Variants in GSE1 observed in about 807,000 individuals in gnomAD.
GSE1 encodes Gse1 coiled-coil protein.
In GSE1, 32 loss-of-function variants were observed where a neutral mutation model predicts 112.6. That is an observed-to-expected ratio of 0.28 (90% CI 0.21 to 0.38). The LOEUF (loss-of-function observed/expected upper bound fraction) is 0.38, where lower values mean the gene tolerates loss of function less well. Ranked by LOEUF, GSE1 falls within the 10% of genes least tolerant of loss-of-function variation. GSE1 has a pLI of 1.00. For synonymous variants in GSE1, 1,115 were observed against 735.6 expected (o/e 1.52, Z -8.35); for missense variants, 2,348 against 1,699.2 (o/e 1.38, Z -6.71).
At chr16:85,453,689 G>A (rs750353227) in intron 2 of GSE1, among the ~76,000 whole-genome samples, 1 of 152,114 alleles carries the variant, frequency 6.6e-6, no homozygotes, top group Non-Finnish European at 1.5e-5. Flanking sequence ...GAGAAGAGGG[G>A]GCGCCACTGC....
At chr16:85,514,426 TCCCC>T (rs576261000) in intron 2 of GSE1, among the ~76,000 whole-genome samples, 3,966 of 58,954 alleles carry the variant, frequency 0.067, 349 homozygotes, top group African/African-American at 0.21. Context: ...TGCTCTCGAG[TCCCC>T]CCCCCCACCC....
At chr16:85,600,458 G>C (rs1190649741) in intron 1 of GSE1, among the ~76,000 whole-genome samples, 1 of 152,082 alleles carries the variant, frequency 6.6e-6, no homozygotes, top group East Asian at 1.9e-4. Context: ...AGAGGAGAGT[G>C]TCTGAACTCC....
Position 85,625,263 on chromosome 16 carries a change from G to A in GSE1, c.8-8651G>A, listed in dbSNP as rs150677485. Among the ~76,000 whole-genome samples the A allele has an allele frequency of 7.2e-3, 1,093 of 152,278 alleles. 3 individuals are homozygous for A. The highest frequency in any genetic ancestry group is 0.025 in the African/African-American group (1,031 of 41,552). On this transcript the variant is annotated intron_variant, in intron 1 of 15. Coordinates refer to ENST00000253458, the MANE Select transcript of GSE1 (RefSeq NM_014615.5). Reference sequence around the variant, plus strand: ...CACACAGCAGCCGCTTAGGATAATCGCGTCAAATGTTGCTGCCATCTGTTG... The same window carrying A: ...CACACAGCAGCCGCTTAGGATAATCACGTCAAATGTTGCTGCCATCTGTTG...
chr16:85,671,038 A>G lies in GSE1; in HGVS notation c.3459A>G (p.Arg1153=), dbSNP rs2053286852. The G allele has an allele frequency of 1.2e-6, 2 of 1,612,958 alleles. No individual in the cohort carries two copies. Among genetic ancestry groups the G allele is most frequent in the Non-Finnish European group, 1.7e-6 (2 of 1,179,108 alleles). Residue 1153 remains arginine (R), a synonymous_variant, in exon 15 of 16, where the codon CGA becomes CGG. Transcript: ENST00000253458. The part of the protein sequence containing the change: ...ERQVLQTQCR[R]LEARHYSLSL... ...AGGTGTTACAGACACAATGTAGACGACTGGAGGCCCGGCACTACAGCCTCA... is the reference window on the plus strand; with the variant it reads ...AGGTGTTACAGACACAATGTAGACGGCTGGAGGCCCGGCACTACAGCCTCA...
chr16:85,610,693 TGCC>T (rs530660751), upstream of GSE1, among the ~76,000 whole-genome samples: 547 of 152,292 alleles, frequency 3.6e-3, 6 homozygotes, highest in African/African-American at 0.013. Flanking sequence ...CCCCGGCGGT[TGCC>T]GGGGTGTCCG....
chr16:85,294,442 G>A (rs116122035), intron 1 of GSE1, among the ~76,000 whole-genome samples: 1,703 of 152,248 alleles, frequency 0.011, 30 homozygotes, highest in African/African-American at 0.039. Context: ...TTGTTCGTTC[G>A]TGTTCCGTCA....
At chr16:85,383,026 A>G (rs573088423) in intron 2 of GSE1, among the ~76,000 whole-genome samples, 157 of 151,890 alleles carry the variant, frequency 1.0e-3, no homozygotes, top group African/African-American at 3.5e-3. Flanking sequence ...TTGCACCCAC[A>G]CATGCACACA....
At chr16:85,231,453 AGGAT>A (rs569342189) in intron 1 of GSE1, among the ~76,000 whole-genome samples, 95 of 149,310 alleles carry the variant, frequency 6.4e-4, no homozygotes, top group South Asian at 2.0e-3. Flanking sequence ...GATGGATGGA[AGGAT>A]GGATGGATGG....
chr16:85,562,191 G>A (rs554417388), intron 1 of GSE1, among the ~76,000 whole-genome samples: 2 of 152,328 alleles, frequency 1.3e-5, no homozygotes, highest in East Asian at 3.9e-4. Flanking sequence ...GCGGGGACAG[G>A]CATTTCGGCT....
chr16:85,409,513 C>CT (rs1452433736), intron 2 of GSE1, among the ~76,000 whole-genome samples: 2 of 4,172 alleles, frequency 4.8e-4, no homozygotes, highest in African/African-American at 5.7e-4. Flanking sequence ...CAGGGCCCCC[C>CT]GGATAATCCT....
intron 1 of GSE1, among the ~76,000 whole-genome samples, chr16:85,573,157 C>T (rs1421406814): frequency 1.3e-5 from 2 of 152,210 alleles, no homozygotes; most frequent in Admixed American, 6.5e-5. Context: ...AGCCACTGCG[C>T]CCGGCCCATC....
intron 2 of GSE1, among the ~76,000 whole-genome samples, chr16:85,389,964 G>C (rs1308137426): frequency 6.6e-6 from 1 of 152,158 alleles, no homozygotes; most frequent in East Asian, 1.9e-4. Flanking sequence ...TTACCCCAGG[G>C]GAAAGTGAGG....
chr16:85,414,976 ACT>A (rs1300859738), intron 2 of GSE1, among the ~76,000 whole-genome samples: 7 of 151,386 alleles, frequency 4.6e-5, no homozygotes, highest in Admixed American at 3.9e-4. Flanking sequence ...ACAGGGTCTC[ACT>A]CTGTTGCCTA....
chr16:85,200,267 A>G (rs2075003758), intron 1 of GSE1, among the ~76,000 whole-genome samples: 1 of 151,954 alleles, frequency 6.6e-6, no homozygotes, highest in South Asian at 2.1e-4. Context: ...GGGACCTCAT[A>G]GAACCCTTGG....
At chr16:85,341,878 G>T (rs1162990677) in intron 1 of GSE1, among the ~76,000 whole-genome samples, 1 of 152,100 alleles carries the variant, frequency 6.6e-6, no homozygotes, top group Non-Finnish European at 1.5e-5. Flanking sequence ...TGATGGCTAG[G>T]GTTGGATCCT....
intron 2 of GSE1, among the ~76,000 whole-genome samples, chr16:85,445,025 G>A (rs933812473): frequency 2.6e-5 from 4 of 152,362 alleles, no homozygotes; most frequent in Admixed American, 1.3e-4. Context: ...CAGGTTTCCC[G>A]CCGCACGCAG....
chr16:85,479,875 C>T (rs974419628), intron 2 of GSE1, among the ~76,000 whole-genome samples: 4 of 152,104 alleles, frequency 2.6e-5, no homozygotes, highest in African/African-American at 9.7e-5. Flanking sequence ...GAGGCCCGGG[C>T]CCAGTGGCTT....
chr16:85,328,371 C>T (rs1189851244), intron 1 of GSE1, among the ~76,000 whole-genome samples: 1 of 152,190 alleles, frequency 6.6e-6, no homozygotes, highest in Non-Finnish European at 1.5e-5. Context: ...TCAGAGGCGT[C>T]GGGGCTGCAG....
chr16:85,244,748 T>A (rs1337749120), intron 1 of GSE1, among the ~76,000 whole-genome samples: 1 of 152,074 alleles, frequency 6.6e-6, no homozygotes, highest in Non-Finnish European at 1.5e-5. Flanking sequence ...CCCAGCACTT[T>A]GGGAGGCCGA....
Sources: allele counts gnomAD v4.1 joint callset (sites outside exome capture counted in the v4.1 genomes callset), GRCh38; gene constraint gnomAD v4.1.1; transcripts MANE v1.5; gene names NCBI Gene and HGNC (gene_info 2026-07-23, HGNC 2026-07-21).